Variants in POU4F1 observed in about 807,000 individuals in gnomAD.
The protein encoded by POU4F1 is POU class 4 homeobox 1.
A neutral mutation model predicts 19.8 loss-of-function variants in POU4F1; 5 were observed. The observed-to-expected ratio is 0.25, with a 90% CI of 0.13 to 0.53. POU4F1 has a LOEUF of 0.53. Ranked by LOEUF, POU4F1 falls within the 20% of genes least tolerant of loss-of-function variation. The pLI is 0.96. For missense variants in POU4F1, 408 were observed against 511.6 expected (o/e 0.80, Z 1.95); for synonymous variants, 266 against 247.7 (o/e 1.07, Z -0.69).
chr13:78,601,897 C>G lies in POU4F1; in HGVS notation c.778G>C (p.Asp260His). ...AGCTCGCGCGGGTCCGTGTCCGAGT[C>G]GCAGATGGACGCCAGGCCCGCTGCG... ...VGAAGLASIC[D>H]SDTDPRELEA... The change falls in exon 2 of 2, where the codon GAC becomes CAC. Residue 260 changes from aspartate to histidine, a missense_variant. Physicochemically the swap from Asp to His is moderately conservative, Grantham distance 81 (BLOSUM62 -1). Transcript: ENST00000377208. 6.5e-7 allele frequency: 1 copy of G among 1,528,300 alleles called. No homozygotes were observed. Among genetic ancestry groups the G allele is most frequent in the Non-Finnish European group, 8.7e-7 (1 of 1,146,134 alleles). The allele number at this position is 1,528,300 out of a possible 1,614,324, so 94.7% of individuals were successfully genotyped here.
chr13:78,602,533 C>T lies in POU4F1; in HGVS notation c.142G>A (p.Ala48Thr). 1.9e-6 allele frequency: 3 copies of T among 1,559,182 alleles called. No individual in the cohort carries two copies. Among genetic ancestry groups the T allele is most frequent in the South Asian group, 2.4e-5 (2 of 83,882 alleles). The change falls in exon 2 of 2, where the codon GCC becomes ACC. Residue 48 changes from alanine (A) to threonine (T), a missense_variant. Physicochemically the swap from Ala to Thr is moderately conservative, Grantham distance 58 (BLOSUM62 0). Coordinates refer to ENST00000377208, the MANE Select transcript of POU4F1 (RefSeq NM_006237.4). ...PTPPLQSNLF[A>T]SLDETLLARA... is the part of the protein sequence containing the mutation. Reference sequence around the variant, plus strand: ...GCCAGCAGCGTCTCGTCCAGGCTGGCGAAGAGGTTGCTCTGCAGCTGCAGG... The same window carrying T: ...GCCAGCAGCGTCTCGTCCAGGCTGGTGAAGAGGTTGCTCTGCAGCTGCAGG...
chr13:78,601,605 C>G lies in POU4F1; in HGVS notation c.1070G>C (p.Arg357Pro). The change falls in exon 2 of 2, where the codon CGC becomes CCC. Residue 357 changes from arginine (R) to proline (P), a missense_variant. Around this residue, in one of 4 missense-constraint regions of POU4F1, gnomAD observed 39 missense variants for 36.8 expected, o/e 1.06. Coordinates refer to ENST00000377208, the MANE Select transcript of POU4F1 (RefSeq NM_006237.4). ...PELFNGGEKK[R>P]KRTSIAAPEK... ...GGGCGCGGCGATGGAAGTCCGCTTG[C>G]GCTTCTTCTCGCCGCCGTTGAAGAG... is the stretch of plus-strand genomic sequence containing the variant. The G allele has an allele frequency of 6.2e-7, 1 of 1,613,770 alleles. No individual in the cohort carries two copies. The highest frequency in any genetic ancestry group is 1.1e-5 in the South Asian group (1 of 91,074).
Position 78,601,105 on chromosome 13 carries a change from C to T in POU4F1, c.*310G>A, listed in dbSNP as rs1298965594. On this transcript the variant is annotated 3_prime_UTR_variant, in exon 2 of 2. Coordinates refer to ENST00000377208, the MANE Select transcript of POU4F1 (RefSeq NM_006237.4). The stretch of plus-strand genomic sequence containing the variant: ...CCCCCCACCCAAACCCCAGAACCAT[C>T]CTGCTCCTTAAAACCCCTGCTCGGG... 2.4e-6 allele frequency: 1 copy of T among 408,966 alleles called. No individual in the cohort carries two copies. Among genetic ancestry groups the T allele is most frequent in the East Asian group, 5.3e-5 (1 of 18,966 alleles). The allele number at this position is 408,966 out of a possible 1,614,324, so 25.3% of individuals were successfully genotyped here. A position where few individuals can be genotyped will look rare whatever the true frequency, so the allele number is the denominator to read the frequency against.
chr13:78,598,575 A>C lies in POU4F1; in HGVS notation c.*2840T>G, dbSNP rs1874580784. 6.6e-6 allele frequency: 1 copy of C among 152,166 alleles called. No individual in the cohort carries two copies. Among genetic ancestry groups the C allele is most frequent in the Non-Finnish European group, 1.5e-5 (1 of 68,026 alleles). The allele number at this position is 152,166 out of a possible 1,614,324, so 9.4% of individuals were successfully genotyped here. On this transcript the variant is annotated 3_prime_UTR_variant, in exon 2 of 2. Transcript: ENST00000377208. ...CCTTCACAGATTTGCCGGTGAAATT[A>C]AAAAGATTTGGCTAAAATAAGATGA...
At chr13:78,603,173 C>A (rs751783774) in intron 1 of POU4F1, 31 bp downstream of exon 1, 2 of 1,347,434 alleles carry the variant, frequency 1.5e-6, no homozygotes, top group Admixed American at 8.0e-5. Flanking sequence ...GGCGGGCGCG[C>A]GGGCCGGGGC....
At position 78,603,420 on chromosome 13, in the gene POU4F1, CCGCGGCGGT is replaced by C; in HGVS notation, c.-103_-95del. ...CCCGGCCTCCCTTCGGAGGCTGCAG[CCGCGGCGGT>C]CGCGGCGGCTGGCGGCGGCCCCGCC... On this transcript the variant is annotated 5_prime_UTR_variant, in exon 1 of 2. Transcript: ENST00000377208. The C allele has an allele frequency of 2.1e-6, 3 of 1,422,138 alleles. No individual in the cohort carries two copies. Among genetic ancestry groups the C allele is most frequent in the Middle Eastern group, 2.0e-4 (1 of 4,906 alleles). 88.1% of individuals were successfully genotyped at this position (1,422,138 alleles called of 1,614,324 possible). A position where few individuals can be genotyped will look rare whatever the true frequency, so the allele number is the denominator to read the frequency against.
Position 78,601,770 on chromosome 13 carries a change from C to T in POU4F1, c.905G>A (p.Gly302Asp). The change falls in exon 2 of 2, where the codon GGC becomes GAC. Residue 302 changes from glycine to aspartate, a missense_variant. Around this residue, in one of 4 missense-constraint regions of POU4F1, gnomAD observed 40 missense variants for 100.7 expected, o/e 0.40. Coordinates refer to ENST00000377208, the MANE Select transcript of POU4F1 (RefSeq NM_006237.4). ...GCAGATGGTGCTCTGGCTGAGTGAG[C>T]CCACGCCCGGGATCTTGAGGTTGGC... ...ALANLKIPGV[G>D]SLSQSTICRF... The T allele has an allele frequency of 1.9e-6, 3 of 1,613,518 alleles. No homozygotes were observed. The highest frequency in any genetic ancestry group is 2.5e-6 in the Non-Finnish European group (3 of 1,179,886).
Position 78,602,532 on chromosome 13 carries a change from G to A in POU4F1, c.143C>T (p.Ala48Val). ...PTPPLQSNLF[A>V]SLDETLLARA... is the part of the protein sequence containing the mutation. ...CGCCAGCAGCGTCTCGTCCAGGCTGGCGAAGAGGTTGCTCTGCAGCTGCAG... is the reference window on the plus strand; with the variant it reads ...CGCCAGCAGCGTCTCGTCCAGGCTGACGAAGAGGTTGCTCTGCAGCTGCAG... The change falls in exon 2 of 2, where the codon GCC becomes GTC. Residue 48 changes from alanine to valine, a missense_variant. Around this residue, in one of 4 missense-constraint regions of POU4F1, gnomAD observed 294 missense variants for 288.2 expected, o/e 1.02. Transcript: ENST00000377208. 1.3e-6 allele frequency: 2 copies of A among 1,562,516 alleles called. No homozygotes were observed. Among genetic ancestry groups the A allele is most frequent in the Non-Finnish European group, 1.7e-6 (2 of 1,158,798 alleles).
Position 78,603,222 on chromosome 13 carries a change from G to A in POU4F1, c.105C>T (p.Ala35=). The part of the protein sequence containing the change: ...LHSSSEAIRR[A]CLPTPPLQSN... ...CGCTTACCGGCGGCGTGGGCAGGCA[G>A]GCCCGCCGGATGGCCTCGGAGCTGG... Residue 35 remains alanine, a synonymous_variant, in exon 1 of 2, where the codon GCC becomes GCT. Transcript: ENST00000377208. 6.4e-7 allele frequency: 1 copy of A among 1,553,092 alleles called. No individual in the cohort carries two copies. Among genetic ancestry groups the A allele is most frequent in the Non-Finnish European group, 8.7e-7 (1 of 1,151,230 alleles).
In POU4F1 at chr13:78,601,733, C is replaced by A. The variant is rs773270916; in HGVS notation, c.942G>T (p.Ser314=). ...LSQSTICRFE[S]LTLSHNNMIA... ...TCATGTTGTTGTGCGAGAGCGTGAG[C>A]GACTCGAACCTGCAGATGGTGCTCT... is the stretch of plus-strand genomic sequence containing the variant. Residue 314 remains serine (S), a synonymous_variant, in exon 2 of 2, where the codon TCG becomes TCT. Coordinates refer to ENST00000377208, the MANE Select transcript of POU4F1 (RefSeq NM_006237.4). 15 of 1,613,718 alleles carry A rather than the reference C, an allele frequency of 9.3e-6. No homozygotes were observed. The highest frequency in any genetic ancestry group is 1.3e-5 in the Non-Finnish European group (15 of 1,179,932).
rs1270070601 is a variant in POU4F1, at chr13:78,601,448, C to T, written c.1227G>A (p.Lys409=). 1 of 1,613,692 alleles carries T rather than the reference C, an allele frequency of 6.2e-7. No individual in the cohort carries two copies. The highest frequency in any genetic ancestry group is 8.5e-7 in the Non-Finnish European group (1 of 1,180,026). The change falls in exon 2 of 2, where the codon AAG becomes AAA. Residue 409 remains lysine (K), a synonymous_variant. Coordinates refer to ENST00000377208, the MANE Select transcript of POU4F1 (RefSeq NM_006237.4). ...TGGCAGAGAATTTCATCCGCTTCTG[C>T]TTCTGTCTCTGGTTGCAAAACCACA... ...VRVWFCNQRQ[K]QKRMKFSATY is the part of the protein sequence containing the mutation.
chr13:78,603,219 G>A lies in POU4F1; in HGVS notation c.108C>T (p.Cys36=), dbSNP rs1186776023. Residue 36 remains cysteine (C), a synonymous_variant, in exon 1 of 2, where the codon TGC becomes TGT. Transcript: ENST00000377208. The part of the protein sequence containing the change: ...HSSSEAIRRA[C]LPTPPLQSNL... ...GGGCGCTTACCGGCGGCGTGGGCAGGCAGGCCCGCCGGATGGCCTCGGAGC... is the reference window on the plus strand; with the variant it reads ...GGGCGCTTACCGGCGGCGTGGGCAGACAGGCCCGCCGGATGGCCTCGGAGC... The A allele has an allele frequency of 1.3e-6, 2 of 1,550,804 alleles. No individual in the cohort carries two copies. The highest frequency in any genetic ancestry group is 1.4e-5 in the African/African-American group (1 of 70,110).
Position 78,599,691 on chromosome 13 carries a change from G to A in POU4F1, c.*1724C>T, listed in dbSNP as rs991577928. ...TGATTTCAGTCTTGTTAATCGGCAG[G>A]TTTTTTTTCTTTTCTCATTTGTTCT... On this transcript the variant is annotated 3_prime_UTR_variant, in exon 2 of 2. Coordinates refer to ENST00000377208, the MANE Select transcript of POU4F1 (RefSeq NM_006237.4). 3.3e-5 allele frequency: 5 copies of A among 152,274 alleles called. No homozygotes were observed. Among genetic ancestry groups the A allele is most frequent in the Admixed American group, 1.3e-4 (2 of 15,258 alleles). 9.4% of individuals were successfully genotyped at this position (152,274 alleles called of 1,614,324 possible). A position where few individuals can be genotyped will look rare whatever the true frequency, so the allele number is the denominator to read the frequency against.
rs966943701 is a variant in POU4F1, at chr13:78,602,380, C to T, written c.295G>A (p.Ala99Thr). 6.5e-7 allele frequency: 1 copy of T among 1,531,854 alleles called. No individual in the cohort carries two copies. The highest frequency in any genetic ancestry group is 1.4e-5 in the African/African-American group (1 of 72,264). 94.9% of individuals were successfully genotyped at this position (1,531,854 alleles called of 1,614,324 possible). A position where few individuals can be genotyped will look rare whatever the true frequency, so the allele number is the denominator to read the frequency against. Reference sequence around the variant, plus strand: ...TGGTGGTGGTGGTGGTGGTGGTGCGCCAGAGGCACCGTGGAAGTGGACGTG... The same window carrying T: ...TGGTGGTGGTGGTGGTGGTGGTGCGTCAGAGGCACCGTGGAAGTGGACGTG... ...PCTSTSTVPL[A>T]HHHHHHHHHQ... is the part of the protein sequence containing the mutation. The change falls in exon 2 of 2, where the codon GCG becomes ACG. Residue 99 changes from alanine (A) to threonine (T), a missense_variant. By Grantham distance (58) the Ala-to-Thr change is moderately conservative. Around this residue, in one of 4 missense-constraint regions of POU4F1, gnomAD observed 294 missense variants for 288.2 expected, o/e 1.02. Coordinates refer to ENST00000377208, the MANE Select transcript of POU4F1 (RefSeq NM_006237.4).
chr13:78,603,082 C>A (rs1874778329), intron 1 of POU4F1, 122 bp downstream of exon 1: 1 of 795,348 alleles, frequency 1.3e-6, no homozygotes, highest in African/African-American at 1.8e-5. Flanking sequence ...CGGGACTGCT[C>A]TACACCCCCT....
At chr13:78,602,966 A>G (rs1200325374) in intron 1 of POU4F1, among the ~76,000 whole-genome samples, 1 of 152,194 alleles carries the variant, frequency 6.6e-6, no homozygotes, top group Non-Finnish European at 1.5e-5. Context: ...GGAAGTCGAG[A>G]GTCCTGGCCC....
In POU4F1 at chr13:78,601,319, G is replaced by C; in HGVS notation, c.*96C>G. On this transcript the variant is annotated 3_prime_UTR_variant, in exon 2 of 2. Coordinates refer to ENST00000377208, the MANE Select transcript of POU4F1 (RefSeq NM_006237.4). ...CTCCCCAAATGCAGGCAGGATAACG[G>C]ACACTCCAAATCCGAGGGGAGGCAA... 3 of 1,549,158 alleles carry C rather than the reference G, an allele frequency of 1.9e-6. No homozygotes were observed. In the African/African-American group the frequency reaches 4.1e-5, roughly 21 times the overall value.
Position 78,601,746 on chromosome 13 carries a change from C to CAG in POU4F1, c.927_928dup (p.Cys310SerfsTer14). On this transcript the variant is annotated frameshift_variant, in exon 2 of 2. Transcript: ENST00000377208. LOFTEE classifies it high-confidence loss of function. ...CGAGAGCGTGAGCGACTCGAACCTGCAGATGGTGCTCTGGCTGAGTGAGCC... is the reference window on the plus strand; with the variant it reads ...CGAGAGCGTGAGCGACTCGAACCTGCAGAGATGGTGCTCTGGCTGAGTGAGCC... 2 of 1,613,806 alleles carry CAG rather than the reference C, an allele frequency of 1.2e-6. No individual in the cohort carries two copies. Among genetic ancestry groups the CAG allele is most frequent in the Non-Finnish European group, 1.7e-6 (2 of 1,179,914 alleles).
chr13:78,602,543 G>A lies in POU4F1; in HGVS notation c.132C>T (p.Ser44=), dbSNP rs1160971244. The A allele has an allele frequency of 6.5e-7, 1 of 1,537,608 alleles. No individual in the cohort carries two copies. The highest frequency in any genetic ancestry group is 1.4e-5 in the African/African-American group (1 of 72,224). ...TCTCGTCCAGGCTGGCGAAGAGGTTGCTCTGCAGCTGCAGGCGACACAAAC... is the reference window on the plus strand; with the variant it reads ...TCTCGTCCAGGCTGGCGAAGAGGTTACTCTGCAGCTGCAGGCGACACAAAC... ...RACLPTPPLQ[S]NLFASLDETL... Residue 44 remains serine (S), a synonymous_variant, in exon 2 of 2, where the codon AGC becomes AGT. Transcript: ENST00000377208.
Sources: gnomAD v4.1 joint callset for allele counts (sites outside exome capture counted in the v4.1 genomes callset) on GRCh38, gnomAD v4.1.1 for gene constraint, gnomAD v4.1.1 regional missense constraint, MANE v1.5 for transcripts, NCBI Gene and HGNC (gene_info 2026-07-23, HGNC 2026-07-21) for gene names.